Variants in CD320 observed in about 807,000 individuals in gnomAD.
CD320 encodes the protein CD320 antigen.
In CD320, 16 loss-of-function variants were observed where a neutral mutation model predicts 22.1. The ratio of observed to expected loss-of-function variants is 0.73; its 90% CI spans 0.49 to 1.10. CD320 has a LOEUF of 1.10. CD320 is among the 50% of genes least tolerant of loss of function. The probability of loss-of-function intolerance (pLI) is 0.00; values close to 1 mark genes in which losing one functional copy is unlikely to be tolerated. For missense variants in CD320, 388 were observed against 376.9 expected (o/e 1.03, Z -0.24); for synonymous variants, 188 against 167.8 (o/e 1.12, Z -0.93).
At chr19:8,305,290 G>A (rs931289772) in intron 1 of CD320, 134 bp from the exon 2 acceptor site, 8 of 1,104,944 alleles carry the variant, frequency 7.2e-6, no homozygotes, top group Middle Eastern at 5.0e-4. Flanking sequence ...GCGGCTGCTT[G>A]TTACTGAGCC....
At chr19:8,303,157 C>T (rs1465146944) in intron 3 of CD320, among the ~76,000 whole-genome samples, 177 bp from the exon 4 acceptor site, 1 of 149,298 alleles carries the variant, frequency 6.7e-6, no homozygotes, top group Non-Finnish European at 1.5e-5. Flanking sequence ...GGCTCTGCCA[C>T]CCAGGCTGGA....
chr19:8,307,307 G>A (rs933305131), intron 1 of CD320, among the ~76,000 whole-genome samples: 2 of 149,936 alleles, frequency 1.3e-5, no homozygotes, highest in African/African-American at 2.5e-5. Flanking sequence ...AAAAACTTTT[G>A]TACTTGGTTA....
At chr19:8,305,419 TG>T in intron 1 of CD320, 1 of 414,084 alleles carries the variant, frequency 2.4e-6, no homozygotes, top group South Asian at 2.1e-5. Flanking sequence ...ATACAGCTGG[TG>T]GCAGAGGCTG....
chr19:8,308,131 C>T lies in CD320; in HGVS notation c.142+18G>A. On this transcript the variant is annotated intron_variant, in intron 1 of 4. Coordinates refer to ENST00000301458, the MANE Select transcript of CD320 (RefSeq NM_016579.4). ...GCCTCGCGAGGGGTGGGAGCCCGCGCTGCGGGGCGTCACTCACCTGCGGCC... is the reference window on the plus strand; with the variant it reads ...GCCTCGCGAGGGGTGGGAGCCCGCGTTGCGGGGCGTCACTCACCTGCGGCC... The T allele has an allele frequency of 6.7e-7, 1 of 1,485,810 alleles. No homozygotes were observed. The highest frequency in any genetic ancestry group is 8.9e-7 in the Non-Finnish European group (1 of 1,127,398). The allele number at this position is 1,485,810 out of a possible 1,614,324, so 92.0% of individuals were successfully genotyped here.
intron 4 of CD320, 46 bp downstream of exon 4, chr19:8,302,731 C>T: frequency 6.2e-7 from 1 of 1,606,986 alleles, no homozygotes; most frequent in Non-Finnish European, 8.5e-7. Flanking sequence ...TCCCCTGAAT[C>T]CCCGGAGCTC....
chr19:8,302,475 G>C lies in CD320; in HGVS notation c.837C>G (p.Thr279=), dbSNP rs2227289. ...CAAGTGCTTGTCCTCAGGGCAGCGAGGTCTTCTGTTCTGACAGCAGCAGGG... is the reference window on the plus strand; with the variant it reads ...CAAGTGCTTGTCCTCAGGGCAGCGACGTCTTCTGTTCTGACAGCAGCAGGG... ...KESLLLSEQK[T]SLP The change falls in exon 5 of 5, where the codon ACC becomes ACG. Residue 279 remains threonine (T), a synonymous_variant. Transcript: ENST00000301458. 0.05 allele frequency: 81,272 copies of C among 1,614,016 alleles called. 4,830 individuals are homozygous for C. The highest frequency in any genetic ancestry group is 0.31 in the African/African-American group (23,014 of 74,954).
At position 8,308,134 on chromosome 19, in the gene CD320, C is replaced by A; in HGVS notation, c.142+15G>T. On this transcript the variant is annotated intron_variant, in intron 1 of 4. Coordinates refer to ENST00000301458, the MANE Select transcript of CD320 (RefSeq NM_016579.4). ...TCGCGAGGGGTGGGAGCCCGCGCTG[C>A]GGGGCGTCACTCACCTGCGGCCTGG... is the stretch of plus-strand genomic sequence containing the variant. 2 of 1,489,054 alleles carry A rather than the reference C, an allele frequency of 1.3e-6. No individual in the cohort carries two copies. Among genetic ancestry groups the A allele is most frequent in the Non-Finnish European group, 1.8e-6 (2 of 1,128,864 alleles). The allele number at this position is 1,489,054 out of a possible 1,614,324, so 92.2% of individuals were successfully genotyped here.
In CD320 at chr19:8,302,665, C is replaced by A. The variant is rs1025147937; in HGVS notation, c.707-60G>T. On this transcript the variant is annotated intron_variant, in intron 4 of 4. Coordinates refer to ENST00000301458, the MANE Select transcript of CD320 (RefSeq NM_016579.4). ...GGGAAGGCAAGAGCCCCCACACCCACCAAGCTCCATACACATGGGGATGGG... is the reference window on the plus strand; with the variant it reads ...GGGAAGGCAAGAGCCCCCACACCCAACAAGCTCCATACACATGGGGATGGG... The A allele has an allele frequency of 2.1e-5, 33 of 1,607,660 alleles. No individual in the cohort carries two copies. The East Asian group carries it at 7.1e-4, about 35-fold the overall frequency.
rs1449844495 is a variant in CD320, at chr19:8,304,705, CT to C, written c.268+325del. On this transcript the variant is annotated intron_variant, in intron 2 of 4. Transcript: ENST00000301458. ...TCATTTTTCTTTTTTTTTTCTTTTT[CT>C]TTTTTTTTCCTGAGACAGTCTTACT... The C allele has an allele frequency of 1.1e-4, 20 of 179,984 alleles. No homozygotes were observed. The East Asian group carries it at 1.9e-3, about 17-fold the overall frequency. 11.1% of individuals were successfully genotyped at this position (179,984 alleles called of 1,614,324 possible).
At chr19:8,303,413 G>A (rs141200998) in intron 3 of CD320, among the ~76,000 whole-genome samples, 6 of 151,686 alleles carry the variant, frequency 4.0e-5, no homozygotes, top group Admixed American at 6.6e-5. Context: ...CACCGTGCCC[G>A]GCCTTTTTTA....
rs111558802 is a variant in CD320, at chr19:8,303,274, G to A, written c.503-294C>T. Among the ~76,000 whole-genome samples, 3,400 of 152,058 alleles carry A rather than the reference G, an allele frequency of 0.022. 177 individuals carry two copies. Among genetic ancestry groups the A allele is most frequent in the South Asian group, 0.18 (844 of 4,810 alleles). ...TGGGATTACAGGTGCACGCCACCAC[G>A]CCTAGCTAACTTTTGTATTTTTAGT... On this transcript the variant is annotated intron_variant, in intron 3 of 4. Transcript: ENST00000301458.
At chr19:8,304,873 C>T in intron 2 of CD320, 158 bp downstream of exon 2, 2 of 771,532 alleles carry the variant, frequency 2.6e-6, no homozygotes, top group South Asian at 3.0e-5. Context: ...AGCCCAAGCC[C>T]ATCTTAGACC....
At chr19:8,304,155 C>T (rs1362097955) in intron 2 of CD320, 67 bp from the exon 3 acceptor site, 3 of 821,036 alleles carry the variant, frequency 3.7e-6, no homozygotes, top group East Asian at 5.4e-5. Flanking sequence ...CCTGAAACCC[C>T]ATCCCCTGCA....
At chr19:8,308,027 A>G in intron 1 of CD320, 122 bp downstream of exon 1, 1 of 1,023,350 alleles carries the variant, frequency 9.8e-7, no homozygotes, top group South Asian at 1.9e-5. Context: ...GTCCAAGTCC[A>G]CGTGCTGGGG....
chr19:8,303,490 G>A (rs981652830), intron 3 of CD320, among the ~76,000 whole-genome samples: 1 of 151,798 alleles, frequency 6.6e-6, no homozygotes, highest in African/African-American at 2.4e-5. Context: ...TCAGCTCACT[G>A]CAACCTCTGC....
intron 2 of CD320, 22 bp from the exon 3 acceptor site, chr19:8,304,110 G>A (rs1223086149): frequency 7.6e-7 from 1 of 1,311,584 alleles, no homozygotes; most frequent in South Asian, 1.3e-5. Context: ...GGTTGGTCAG[G>A]TCCCAAATGC....
Position 8,308,263 on chromosome 19 carries a change from C to A in CD320, c.28G>T (p.Gly10Ter). MSGGWMAQV[G>*]AWRTGALGLA... ...CCCAGAGCCCCTGTTCGCCACGCTC[C>A]AACCTGCGCCATCCAACCGCCGCTC... The change falls in exon 1 of 5, where the codon GGA becomes TGA. Residue 10 changes from glycine (G) to a stop codon, truncating the protein, a stop_gained. Transcript: ENST00000301458. LOFTEE classifies it high-confidence loss of function. The A allele has an allele frequency of 6.3e-7, 1 of 1,583,280 alleles. No homozygotes were observed. Among genetic ancestry groups the A allele is most frequent in the East Asian group, 2.3e-5 (1 of 43,952 alleles).
chr19:8,308,225 C>T lies in CD320; in HGVS notation c.66G>A (p.Leu22=). ...GGCCTAGTCCGAGGCCGAGCAGCAGCAGCAGCGCCAGGCCCAGAGCCCCTG... is the reference window on the plus strand; with the variant it reads ...GGCCTAGTCCGAGGCCGAGCAGCAGTAGCAGCGCCAGGCCCAGAGCCCCTG... ...WRTGALGLAL[L]LLLGLGLGLE... is the part of the protein sequence containing the mutation. Residue 22 remains leucine (L), a synonymous_variant, in exon 1 of 5, where the codon CTG becomes CTA. Coordinates refer to ENST00000301458, the MANE Select transcript of CD320 (RefSeq NM_016579.4). The T allele has an allele frequency of 6.3e-7, 1 of 1,577,816 alleles. No individual in the cohort carries two copies. Among genetic ancestry groups the T allele is most frequent in the Non-Finnish European group, 8.6e-7 (1 of 1,168,772 alleles).
At chr19:8,305,635 G>A (rs1970078228) in intron 1 of CD320, 1 of 169,332 alleles carries the variant, frequency 5.9e-6, no homozygotes, top group African/African-American at 2.4e-5. Flanking sequence ...AAACCTGGGA[G>A]ATGGAGGTTG....
Sources: gnomAD v4.1 joint callset for allele counts (sites outside exome capture counted in the v4.1 genomes callset) on GRCh38, gnomAD v4.1.1 for gene constraint, MANE v1.5 for transcripts, NCBI Gene and HGNC (gene_info 2026-07-23, HGNC 2026-07-21) for gene names.